OSGIN1: variants seen among roughly 807,000 people sequenced by gnomAD.
The protein encoded by OSGIN1 is oxidative stress induced growth inhibitor 1, also known as oxidative stress-induced growth inhibitor 1.
A neutral mutation model predicts 20.1 loss-of-function variants in OSGIN1; 19 were observed. That is an observed-to-expected ratio of 0.95 (90% CI 0.66 to 1.39). OSGIN1 has a LOEUF of 1.39. Ranked by LOEUF, OSGIN1 falls within the 40% of genes most tolerant of loss-of-function variation. The pLI is 0.00. For missense variants in OSGIN1, 820 were observed against 653.0 expected, an observed-to-expected ratio of 1.26 and a Z score of -2.79; for synonymous variants, 368 against 297.8, an observed-to-expected ratio of 1.24 and a Z score of -2.43.
intron 1 of OSGIN1, among the ~76,000 whole-genome samples, chr16:83,956,736 C>G (rs1908948146): frequency 6.6e-6 from 1 of 152,230 alleles, no homozygotes; most frequent in Admixed American, 6.5e-5. Flanking sequence ...CAGTAAGTGC[C>G]AAATGCTCAT....
Position 83,953,286 on chromosome 16 carries a change from G to A in OSGIN1, c.-117G>A. 7.8e-7 allele frequency: 1 copy of A among 1,288,656 alleles called. No homozygotes were observed. 79.8% of individuals were successfully genotyped at this position (1,288,656 alleles called of 1,614,324 possible). ...GGGTAATGGGTGTCCCGATCTCGCGGGGGACTCTGTGATCCGTGTTCCCCT... is the reference window on the plus strand; with the variant it reads ...GGGTAATGGGTGTCCCGATCTCGCGAGGGACTCTGTGATCCGTGTTCCCCT... On this transcript the variant is annotated 5_prime_UTR_variant, in exon 1 of 6. Transcript: ENST00000393306.
intron 2 of OSGIN1, among the ~76,000 whole-genome samples, chr16:83,958,907 C>G (rs1467125367): frequency 6.6e-6 from 1 of 152,192 alleles, no homozygotes; most frequent in Non-Finnish European, 1.5e-5. Flanking sequence ...CCCGGCTCGT[C>G]TACCTTCCGG....
Position 83,965,708 on chromosome 16 carries a change from G to A in OSGIN1, c.1135G>A (p.Asp379Asn). The A allele has an allele frequency of 3.7e-6, 6 of 1,613,662 alleles. No individual in the cohort carries two copies. The highest frequency in any genetic ancestry group is 1.1e-5 in the South Asian group (1 of 91,082). ...GGAAGACTGCCAGGCCGTGTTCCAGGACCTCGAGGGTGTCGAGAAGGTGTT... is the reference window on the plus strand; with the variant it reads ...GGAAGACTGCCAGGCCGTGTTCCAGAACCTCGAGGGTGTCGAGAAGGTGTT... ...FKEDCQAVFQ[D>N]LEGVEKVFGV... The change falls in exon 6 of 6, where the codon GAC (aspartate) becomes AAC (asparagine). Residue 379 changes from aspartate to asparagine, a missense_variant. Coordinates refer to ENST00000393306, the MANE Select transcript of OSGIN1 (RefSeq NM_182981.3).
At chr16:83,964,997 CGT>C in intron 5 of OSGIN1, 63 bp from the exon 6 acceptor site, 21 of 835,698 alleles carry the variant, frequency 2.5e-5, no homozygotes, top group East Asian at 5.8e-5. Flanking sequence ...GGACATCTCC[CGT>C]CCCACCCAGC....
intron 1 of OSGIN1, among the ~76,000 whole-genome samples, 158 bp downstream of exon 1, chr16:83,953,528 G>C (rs4782571): frequency 0.6 from 91,447 of 152,012 alleles, 28,600 homozygotes; most frequent in East Asian, 0.79. Flanking sequence ...TCTGGAGCCC[G>C]GCAGGATTCT....
chr16:83,961,875 G>A (rs992965801), intron 5 of OSGIN1, among the ~76,000 whole-genome samples: 2 of 152,100 alleles, frequency 1.3e-5, no homozygotes, highest in Non-Finnish European at 2.9e-5. Context: ...CAGTCCTTGT[G>A]GTCTCCCTTC....
chr16:83,959,476 A>T (rs910009662), intron 3 of OSGIN1, 80 bp downstream of exon 3: 8 of 1,363,436 alleles, frequency 5.9e-6, no homozygotes, highest in Non-Finnish European at 6.0e-6. Context: ...AGGGAAAAAC[A>T]AAAGTGTGTG....
chr16:83,962,320 G>A (rs1350387077), intron 5 of OSGIN1, among the ~76,000 whole-genome samples: 1 of 152,124 alleles, frequency 6.6e-6, no homozygotes, highest in Non-Finnish European at 1.5e-5. Context: ...CTCACTGCAA[G>A]CTCCGCCTCC....
At chr16:83,956,309 C>T (rs1461213174) in intron 1 of OSGIN1, among the ~76,000 whole-genome samples, 13 of 152,240 alleles carry the variant, frequency 8.5e-5, no homozygotes, top group Admixed American at 8.5e-4. Flanking sequence ...TTTGGTTGGC[C>T]TTTTAAGCAT....
rs1325850791 is a variant in OSGIN1, at chr16:83,965,513, G to A, written c.940G>A (p.Ala314Thr). The change falls in exon 6 of 6, where the codon GCC (alanine) becomes ACC (threonine). Residue 314 changes from alanine to threonine, a missense_variant. Ala to Thr is a moderately conservative substitution (Grantham distance 58). Coordinates refer to ENST00000393306, the MANE Select transcript of OSGIN1 (RefSeq NM_182981.3). The part of the protein sequence containing the change: ...ARHYNIPVIH[A>T]FRRAVDDPGL... ...CCACTACAACATCCCGGTGATCCAT[G>A]CCTTCCGCCGGGCCGTGGACGACCC... 26 of 1,612,048 alleles carry A rather than the reference G, an allele frequency of 1.6e-5. No homozygotes were observed. The highest frequency in any genetic ancestry group is 2.2e-5 in the Non-Finnish European group (26 of 1,180,012).
Position 83,965,531 on chromosome 16 carries a change from G to T in OSGIN1, c.958G>T (p.Asp320Tyr). The part of the protein sequence containing the change: ...PVIHAFRRAV[D>Y]DPGLVFNQLP... ...GATCCATGCCTTCCGCCGGGCCGTG[G>T]ACGACCCTGGCCTGGTGTTCAACCA... is the stretch of plus-strand genomic sequence containing the variant. The change falls in exon 6 of 6, where the codon GAC (aspartate) becomes TAC (tyrosine). Residue 320 changes from aspartate to tyrosine, a missense_variant. Asp to Tyr is a radical substitution (Grantham distance 160, BLOSUM62 -3). Coordinates refer to ENST00000393306, the MANE Select transcript of OSGIN1 (RefSeq NM_182981.3). 1 of 1,612,648 alleles carries T rather than the reference G, an allele frequency of 6.2e-7. No homozygotes were observed. Among genetic ancestry groups the T allele is most frequent in the Non-Finnish European group, 8.5e-7 (1 of 1,180,008 alleles).
In OSGIN1 at chr16:83,965,744, C is replaced by A; in HGVS notation, c.1171C>A (p.Leu391Met). The A allele has an allele frequency of 6.2e-7, 1 of 1,613,572 alleles. No homozygotes were observed. Among genetic ancestry groups the A allele is most frequent in the Non-Finnish European group, 8.5e-7 (1 of 1,179,990 alleles). ...EGVEKVFGVS[L>M]VLVLIGSHPD... ...TGTCGAGAAGGTGTTTGGGGTCTCCCTGGTGCTGGTCCTCATCGGCTCCCA... is the reference window on the plus strand; with the variant it reads ...TGTCGAGAAGGTGTTTGGGGTCTCCATGGTGCTGGTCCTCATCGGCTCCCA... Residue 391 changes from leucine (L) to methionine (M), a missense_variant, in exon 6 of 6, where the codon CTG becomes ATG. Physicochemically the swap from Leu to Met is conservative, Grantham distance 15. Transcript: ENST00000393306.
Position 83,964,851 on chromosome 16 carries a change from A to C in OSGIN1, c.489-211A>C, listed in dbSNP as rs561902837. On this transcript the variant is annotated intron_variant, in intron 5 of 5. Coordinates refer to ENST00000393306, the MANE Select transcript of OSGIN1 (RefSeq NM_182981.3). ...ACCCTAGAGCATCCTACACCACCCT[A>C]CACCACCTCTCCTGAGGGAGGCACC... 3.3e-5 allele frequency among the ~76,000 whole-genome samples: 5 copies of C among 152,058 alleles called. 1 individual carries two copies. The South Asian group carries it at 1.0e-3, about 32-fold the overall frequency.
chr16:83,959,227 C>T, intron 2 of OSGIN1, 33 bp from the exon 3 acceptor site: 2 of 1,594,736 alleles, frequency 1.3e-6, no homozygotes, highest in Non-Finnish European at 1.7e-6. Context: ...CCTGAAAAGG[C>T]CACCCCCTTT....
At chr16:83,955,682 G>C (rs1471420084) in intron 1 of OSGIN1, among the ~76,000 whole-genome samples, 5 of 152,216 alleles carry the variant, frequency 3.3e-5, no homozygotes, top group Non-Finnish European at 7.3e-5. Context: ...GCCACATGCT[G>C]TCTTTGTTGT....
chr16:83,965,674 G>A lies in OSGIN1; in HGVS notation c.1101G>A (p.Leu367=), dbSNP rs746289704. Residue 367 remains leucine, a synonymous_variant, in exon 6 of 6, where the codon CTG becomes CTA. Coordinates refer to ENST00000393306, the MANE Select transcript of OSGIN1 (RefSeq NM_182981.3). ...GCAGCCTCCCCAGGCACCAGCTGCT[G>A]TGCTTCAAGGAAGACTGCCAGGCCG... ...GYRSLPRHQL[L]CFKEDCQAVF... is the part of the protein sequence containing the mutation. 6.2e-6 allele frequency: 10 copies of A among 1,613,530 alleles called. No individual in the cohort carries two copies. The highest frequency in any genetic ancestry group is 7.6e-6 in the Non-Finnish European group (9 of 1,180,032).
At chr16:83,961,566 C>T (rs2084213728) in intron 5 of OSGIN1, among the ~76,000 whole-genome samples, 1 of 152,184 alleles carries the variant, frequency 6.6e-6, no homozygotes, top group Non-Finnish European at 1.5e-5. Context: ...CACAGGCCCC[C>T]CACAGTGAGC....
At chr16:83,954,985 G>A (rs574280970) in intron 1 of OSGIN1, among the ~76,000 whole-genome samples, 77 of 152,290 alleles carry the variant, frequency 5.1e-4, no homozygotes, top group Non-Finnish European at 9.7e-4. Context: ...GTCAGCCCAC[G>A]GGGATCAAAT....
rs949617179 is a variant in OSGIN1, at chr16:83,965,183, G to A, written c.610G>A (p.Gly204Arg). 1.2e-6 allele frequency: 2 copies of A among 1,613,226 alleles called. No homozygotes were observed. Among genetic ancestry groups the A allele is most frequent in the Non-Finnish European group, 1.7e-6 (2 of 1,180,016 alleles). Residue 204 changes from glycine to arginine, a missense_variant, in exon 6 of 6, where the codon GGG becomes AGG. Transcript: ENST00000393306. ...SGAVVTAVEW[G>R]TPDPSSCGAQ... ...TGCTGTAGTCACAGCCGTGGAGTGG[G>A]GGACCCCCGATCCCAGCAGCTGTGG...
Sources: allele counts gnomAD v4.1 joint callset (sites outside exome capture counted in the v4.1 genomes callset), GRCh38; gene constraint gnomAD v4.1.1; transcripts MANE v1.5; gene names NCBI Gene and HGNC (gene_info 2026-07-23, HGNC 2026-07-21).